DAP: variants seen among roughly 807,000 people sequenced by gnomAD.
DAP encodes the protein death associated protein.
Under a neutral mutation model 13.8 loss-of-function variants are expected in DAP, and 8 were observed. That is an observed-to-expected ratio of 0.58 (90% confidence interval 0.34 to 1.05). The LOEUF (loss-of-function observed/expected upper bound fraction) is 1.05, where lower values mean the gene tolerates loss of function less well. Among genes scored for constraint, DAP ranks in the 50% least tolerant of loss-of-function variants. The pLI is 0.03. For synonymous variants in DAP, 47 were observed against 47.5 expected, an observed-to-expected ratio of 0.99 and a Z score of 0.04; for missense variants, 106 against 133.2, an observed-to-expected ratio of 0.80 and a Z score of 1.01.
chr5:10,748,041 A>C (rs1056885995), intron 2 of DAP, 134 bp downstream of exon 2: 1 of 647,792 alleles, frequency 1.5e-6, no homozygotes, highest in Admixed American at 2.8e-5. Flanking sequence ...CCTGATTAGG[A>C]AGGGAAAAAT....
intron 2 of DAP, among the ~76,000 whole-genome samples, chr5:10,737,811 A>T (rs5745200): frequency 0.063 from 9,528 of 152,302 alleles, 348 homozygotes; most frequent in African/African-American, 0.084. Context: ...AGTACTTCAG[A>T]ATGTGAGCTT....
At chr5:10,689,255 C>A (rs1738237274) in intron 2 of DAP, among the ~76,000 whole-genome samples, 1 of 152,084 alleles carries the variant, frequency 6.6e-6, no homozygotes, top group African/African-American at 2.4e-5. Context: ...CTTTCCTAAA[C>A]CCACATTTAG....
chr5:10,700,441 A>C (rs547762112), intron 2 of DAP, among the ~76,000 whole-genome samples: 1 of 152,302 alleles, frequency 6.6e-6, no homozygotes, highest in East Asian at 1.9e-4. Flanking sequence ...GAGGCTCTTT[A>C]TTCTCCTTTT....
At chr5:10,690,182 G>A (rs1009885803) in intron 2 of DAP, among the ~76,000 whole-genome samples, 6 of 152,156 alleles carry the variant, frequency 3.9e-5, no homozygotes, top group Admixed American at 2.6e-4. Context: ...GCGACTCGGC[G>A]GGAAGTGACA....
intron 2 of DAP, among the ~76,000 whole-genome samples, chr5:10,704,364 TA>T (rs1440804317): frequency 1.3e-5 from 2 of 152,116 alleles, no homozygotes; most frequent in African/African-American, 4.8e-5. Flanking sequence ...TGTGAAAACA[TA>T]AAGCCCTCTG....
At chr5:10,735,931 G>A (rs1037650421) in intron 2 of DAP, among the ~76,000 whole-genome samples, 1 of 152,182 alleles carries the variant, frequency 6.6e-6, no homozygotes, top group African/African-American at 2.4e-5. Flanking sequence ...AGTACTTAAG[G>A]GCATGACCTT....
chr5:10,730,417 G>C (rs544920372), intron 2 of DAP, among the ~76,000 whole-genome samples: 3 of 152,202 alleles, frequency 2.0e-5, no homozygotes, highest in African/African-American at 7.2e-5. Context: ...GCCCCGGTGG[G>C]GGGGAATCTT....
In DAP at chr5:10,706,851, CAG is replaced by C. The variant is rs201176301; in HGVS notation, c.153-23282_153-23281del. Among the ~76,000 whole-genome samples the C allele has an allele frequency of 3.1e-3, 470 of 151,916 alleles. 1 individual carries two copies. The highest frequency in any genetic ancestry group is 0.01 in the African/African-American group (428 of 41,204). ...CCCTCGAGAAAAGGGCTCAGCATTCCAGAAAAGCCCAGAAAAACCCGATGCAC... is the reference window on the plus strand; with the variant it reads ...CCCTCGAGAAAAGGGCTCAGCATTCCAAAAGCCCAGAAAAACCCGATGCAC... On this transcript the variant is annotated intron_variant, in intron 2 of 3. Transcript: ENST00000230895.
chr5:10,697,998 G>A (rs1387817211), intron 2 of DAP, among the ~76,000 whole-genome samples: 1 of 152,136 alleles, frequency 6.6e-6, no homozygotes, highest in Non-Finnish European at 1.5e-5. Flanking sequence ...CGCACAGTGT[G>A]GACTCAGGTC....
At chr5:10,742,026 T>A (rs1038564573) in intron 2 of DAP, among the ~76,000 whole-genome samples, 1 of 152,202 alleles carries the variant, frequency 6.6e-6, no homozygotes, top group Non-Finnish European at 1.5e-5. Flanking sequence ...TTCCTCAAAC[T>A]TTTACCCATT....
At chr5:10,747,677 G>T (rs1739940588) in intron 2 of DAP, among the ~76,000 whole-genome samples, 1 of 152,218 alleles carries the variant, frequency 6.6e-6, no homozygotes, top group Non-Finnish European at 1.5e-5. Flanking sequence ...AATGACAACA[G>T]AAACCTGGAG....
At chr5:10,737,033 C>T (rs142887245) in intron 2 of DAP, among the ~76,000 whole-genome samples, 170 of 152,304 alleles carry the variant, frequency 1.1e-3, no homozygotes, top group African/African-American at 4.0e-3. Context: ...GCCCTGTCTG[C>T]CAGCACAGGG....
chr5:10,754,033 A>C (rs990636495), intron 1 of DAP, among the ~76,000 whole-genome samples: 1 of 152,194 alleles, frequency 6.6e-6, no homozygotes, highest in African/African-American at 2.4e-5. Context: ...GGTGGGTAGA[A>C]CTTCCCAATG....
At chr5:10,727,390 G>C (rs1309866212) in intron 2 of DAP, among the ~76,000 whole-genome samples, 2 of 152,196 alleles carry the variant, frequency 1.3e-5, no homozygotes, top group African/African-American at 4.8e-5. Flanking sequence ...GTCAGGAAAG[G>C]GTTCCTGGGG....
chr5:10,699,649 G>A (rs564810751), intron 2 of DAP, among the ~76,000 whole-genome samples: 2 of 152,350 alleles, frequency 1.3e-5, no homozygotes, highest in East Asian at 1.9e-4. Flanking sequence ...CATCAGGGAT[G>A]AGAATTCCCC....
At chr5:10,730,008 C>T (rs114681354) in intron 2 of DAP, among the ~76,000 whole-genome samples, 1 of 152,188 alleles carries the variant, frequency 6.6e-6, no homozygotes, top group Non-Finnish European at 1.5e-5. Flanking sequence ...ATGGTGGTTA[C>T]GAAAATTCAA....
At chr5:10,753,617 C>T (rs1740100888) in intron 1 of DAP, among the ~76,000 whole-genome samples, 1 of 152,222 alleles carries the variant, frequency 6.6e-6, no homozygotes. Flanking sequence ...GATGCAGTCA[C>T]TGGTGGCTTG....
intron 2 of DAP, among the ~76,000 whole-genome samples, chr5:10,696,244 A>G (rs1404536888): frequency 2.0e-5 from 3 of 152,122 alleles, no homozygotes; most frequent in Non-Finnish European, 4.4e-5. Flanking sequence ...GGCCACTGAG[A>G]GTCTCAAAAT....
At chr5:10,717,819 TA>T (rs1739031351) in intron 2 of DAP, among the ~76,000 whole-genome samples, 1 of 152,042 alleles carries the variant, frequency 6.6e-6, no homozygotes, top group Non-Finnish European at 1.5e-5. Flanking sequence ...TGGCATTGGC[TA>T]ATTAATCACA....
Sources: allele counts gnomAD v4.1 joint callset (sites outside exome capture counted in the v4.1 genomes callset), GRCh38; gene constraint gnomAD v4.1.1; transcripts MANE v1.5; gene names NCBI Gene and HGNC (gene_info 2026-07-23, HGNC 2026-07-21).